The following KLF12 variants were observed in gnomAD, a reference collection of about 807,000 sequenced individuals.
KLF12 encodes the protein KLF transcription factor 12.
KLF12 carries 9 observed loss-of-function variants against 37.8 expected under a neutral mutation model. The ratio of observed to expected loss-of-function variants is 0.24; its 90% CI spans 0.14 to 0.42. KLF12 has a LOEUF of 0.42. Ranked by LOEUF, KLF12 falls within the 10% of genes least tolerant of loss-of-function variation. The pLI is 1.00. For missense variants in KLF12, 411 were observed against 516.0 expected (o/e 0.80, Z 1.97); for synonymous variants, 208 against 202.1 (o/e 1.03, Z -0.25).
At chr13:74,128,628 G>C (rs1356630322) in intron 1 of KLF12, among the ~76,000 whole-genome samples, 4 of 152,196 alleles carry the variant, frequency 2.6e-5, no homozygotes, top group African/African-American at 9.6e-5. Flanking sequence ...ATTCAAGGAT[G>C]TATCATCTTA....
intron 3 of KLF12, among the ~76,000 whole-genome samples, chr13:73,867,402 A>G (rs1260098289): frequency 2.0e-5 from 3 of 146,456 alleles, no homozygotes; most frequent in Admixed American, 1.4e-4. Context: ...ACATACATAT[A>G]TACGTGTGTG....
chr13:73,941,297 C>T (rs1890176070), intron 3 of KLF12, among the ~76,000 whole-genome samples: 1 of 152,162 alleles, frequency 6.6e-6, no homozygotes, highest in African/African-American at 2.4e-5. Context: ...TGGCACATGT[C>T]TATAACCCCA....
At chr13:74,143,065 TCCTC>T in the KLF12 span, among the ~76,000 whole-genome samples, 1 of 147,404 alleles carries the variant, frequency 6.8e-6, no homozygotes, top group South Asian at 2.3e-4. Flanking sequence ...CTTCCTTCCT[TCCTC>T]TCTTTCCTCC....
chr13:74,209,107 A>G, the KLF12 span, among the ~76,000 whole-genome samples: 5 of 152,104 alleles, frequency 3.3e-5, no homozygotes, highest in African/African-American at 1.2e-4. Context: ...AAGAACTTAC[A>G]ATCTTATCAC....
chr13:74,171,909 T>C, the KLF12 span, among the ~76,000 whole-genome samples: 3 of 152,222 alleles, frequency 2.0e-5, no homozygotes, highest in Non-Finnish European at 4.4e-5. Context: ...ATTCCCTCCA[T>C]GTTGAAGGGC....
chr13:74,272,945 G>A, the KLF12 span, among the ~76,000 whole-genome samples: 1 of 152,080 alleles, frequency 6.6e-6, no homozygotes, highest in Non-Finnish European at 1.5e-5. Flanking sequence ...AAAAAGAATA[G>A]ACCAGCTGTA....
chr13:74,241,054 T>C, the KLF12 span, among the ~76,000 whole-genome samples: 2 of 152,134 alleles, frequency 1.3e-5, no homozygotes, highest in Non-Finnish European at 2.9e-5. Flanking sequence ...TCTGCTCTGT[T>C]TTTTCCCCAT....
At chr13:74,263,115 A>G in the KLF12 span, among the ~76,000 whole-genome samples, 1 of 152,218 alleles carries the variant, frequency 6.6e-6, no homozygotes, top group Non-Finnish European at 1.5e-5. Flanking sequence ...TTTCATTTAT[A>G]AAAGAGAGAA....
intron 1 of KLF12, among the ~76,000 whole-genome samples, chr13:74,004,435 C>G (rs150717734): frequency 6.6e-6 from 1 of 152,264 alleles, no homozygotes; most frequent in African/African-American, 2.4e-5. Context: ...ACTTGCCTAA[C>G]AAGCGGCAAA....
At chr13:74,103,974 C>G (rs901458240) in intron 1 of KLF12, among the ~76,000 whole-genome samples, 3 of 152,150 alleles carry the variant, frequency 2.0e-5, no homozygotes, top group African/African-American at 7.2e-5. Context: ...AAATGTAATA[C>G]TAGAAAGATA....
At chr13:73,738,867 C>T (rs921397413) in intron 6 of KLF12, among the ~76,000 whole-genome samples, 5 of 152,126 alleles carry the variant, frequency 3.3e-5, no homozygotes, top group Admixed American at 6.5e-5. Context: ...CAGGCCCCAC[C>T]CATCTAACTG....
At chr13:73,914,525 AG>A (rs146095764) in intron 3 of KLF12, among the ~76,000 whole-genome samples, 7,540 of 152,272 alleles carry the variant, frequency 0.05, 435 homozygotes, top group African/African-American at 0.14. Flanking sequence ...ATAAAGTTAC[AG>A]AAAAAAACAA....
chr13:74,057,244 G>A (rs1446830929), intron 1 of KLF12, among the ~76,000 whole-genome samples: 1 of 152,142 alleles, frequency 6.6e-6, no homozygotes, highest in Non-Finnish European at 1.5e-5. Context: ...AAAGGCAAGG[G>A]AAAAGGGCTG....
the KLF12 span, among the ~76,000 whole-genome samples, chr13:74,152,885 GATAATAATAATAATAATAATAATA>G: frequency 3.2e-3 from 443 of 139,024 alleles, 2 homozygotes; most frequent in Non-Finnish European, 5.2e-3. Context: ...CCCCATTACA[GATAATAATAATAATAATAATAATA>G]ATAATAATAA....
At chr13:73,711,089 G>A (rs1408149810) in intron 7 of KLF12, among the ~76,000 whole-genome samples, 3 of 152,198 alleles carry the variant, frequency 2.0e-5, no homozygotes, top group East Asian at 1.9e-4. Flanking sequence ...CAGAGCAAGG[G>A]CCACTCTTCA....
chr13:73,798,706 C>T (rs1882126236), intron 5 of KLF12, among the ~76,000 whole-genome samples: 1 of 151,940 alleles, frequency 6.6e-6, no homozygotes, highest in Non-Finnish European at 1.5e-5. Flanking sequence ...AAATCAAAAC[C>T]ACAATGAGGA....
intron 1 of KLF12, among the ~76,000 whole-genome samples, chr13:73,997,970 A>G (rs2138288398): frequency 6.6e-6 from 1 of 152,302 alleles, no homozygotes; most frequent in South Asian, 2.1e-4. Context: ...GAGACTGGAG[A>G]AATTCCAGTT....
chr13:74,284,830 T>C, the KLF12 span, among the ~76,000 whole-genome samples: 2 of 152,240 alleles, frequency 1.3e-5, no homozygotes, highest in East Asian at 3.8e-4. Flanking sequence ...CATTGTAGTA[T>C]ATTTACACTA....
chr13:73,874,386 C>T (rs185262083), intron 3 of KLF12, among the ~76,000 whole-genome samples: 30 of 152,290 alleles, frequency 2.0e-4, no homozygotes, highest in African/African-American at 6.5e-4. Context: ...AGCAATTACG[C>T]ACTACCATAA....
Sources: allele counts gnomAD v4.1 joint callset (sites outside exome capture counted in the v4.1 genomes callset), GRCh38; gene constraint gnomAD v4.1.1; transcripts MANE v1.5; gene names NCBI Gene and HGNC (gene_info 2026-07-23, HGNC 2026-07-21).